Variants in MAGI2 observed in about 807,000 individuals in gnomAD.
MAGI2 encodes membrane associated guanylate kinase, WW and PDZ domain containing 2.
MAGI2 carries 35 observed loss-of-function variants against 133.3 expected under a neutral mutation model. The observed-to-expected ratio is 0.26, with a 90% CI of 0.20 to 0.35. The LOEUF is 0.35. MAGI2 is among the 10% of genes least tolerant of loss of function. The probability of loss-of-function intolerance (pLI) is 1.00; values close to 1 mark genes in which losing one functional copy is unlikely to be tolerated. For missense variants in MAGI2, 1,636 were observed against 1,863.4 expected (o/e 0.88, Z 2.25); for synonymous variants, 729 against 710.6 (o/e 1.03, Z -0.41).
intron 1 of MAGI2, among the ~76,000 whole-genome samples, chr7:79,328,557 A>G (rs1054452848): frequency 6.6e-6 from 1 of 152,234 alleles, no homozygotes; most frequent in Non-Finnish European, 1.5e-5. Flanking sequence ...TTAAAGCAAA[A>G]TAACATCAAA....
intron 1 of MAGI2, among the ~76,000 whole-genome samples, chr7:79,431,790 A>G (rs966550023): frequency 1.1e-4 from 17 of 152,138 alleles, no homozygotes; most frequent in Non-Finnish European, 1.5e-4. Context: ...AGTTTGTGGT[A>G]CCTATCTAGG....
intron 6 of MAGI2, among the ~76,000 whole-genome samples, chr7:78,394,418 C>T (rs544278641): frequency 3.3e-5 from 5 of 152,284 alleles, no homozygotes; most frequent in African/African-American, 7.2e-5. Context: ...GCCATGGTCA[C>T]GTCTTCCCCA....
chr7:79,275,953 C>T (rs1835200641), intron 1 of MAGI2, among the ~76,000 whole-genome samples: 1 of 152,144 alleles, frequency 6.6e-6, no homozygotes, highest in African/African-American at 2.4e-5. Flanking sequence ...ATTACTGCTC[C>T]TTGACAATGC....
intron 2 of MAGI2, among the ~76,000 whole-genome samples, chr7:78,670,488 C>T (rs940602440): frequency 1.3e-5 from 2 of 152,148 alleles, no homozygotes; most frequent in Non-Finnish European, 2.9e-5. Flanking sequence ...TGAAAATGGC[C>T]ATACTGCCCA....
At chr7:79,391,508 C>CATATATATATATATATATATAGACATAT in intron 1 of MAGI2, among the ~76,000 whole-genome samples, 1 of 69,208 alleles carries the variant, frequency 1.4e-5, no homozygotes, top group Admixed American at 1.5e-4. Flanking sequence ...TATATATAGA[C>CATATATATATATATATATATAGACATAT]ATATATATAT....
At chr7:79,087,756 C>A (rs535657893) in intron 1 of MAGI2, among the ~76,000 whole-genome samples, 1 of 152,126 alleles carries the variant, frequency 6.6e-6, no homozygotes, top group South Asian at 2.1e-4. Flanking sequence ...ATAGGGAATC[C>A]TTTCCCCATT....
At chr7:78,305,159 G>A (rs1388159942) in intron 9 of MAGI2, among the ~76,000 whole-genome samples, 8 of 152,170 alleles carry the variant, frequency 5.3e-5, no homozygotes, top group East Asian at 1.9e-4. Context: ...TTCACTATTC[G>A]GAACCCCTTA....
chr7:78,321,692 T>C (rs1584868334), intron 9 of MAGI2, among the ~76,000 whole-genome samples: 1 of 152,126 alleles, frequency 6.6e-6, no homozygotes, highest in East Asian at 1.9e-4. Context: ...GGCAATACCA[T>C]TCAGGACATA....
chr7:78,906,198 G>A (rs1322017719), intron 2 of MAGI2, among the ~76,000 whole-genome samples: 1 of 152,214 alleles, frequency 6.6e-6, no homozygotes, highest in African/African-American at 2.4e-5. Flanking sequence ...GCCCTGAAGT[G>A]TCTCCACTAT....
At chr7:79,433,461 G>A (rs1202992210) in intron 1 of MAGI2, among the ~76,000 whole-genome samples, 1 of 151,978 alleles carries the variant, frequency 6.6e-6, no homozygotes. Context: ...GCTGAGGCAG[G>A]AGAATGGCGT....
chr7:78,303,745 C>G (rs910340434), intron 9 of MAGI2, among the ~76,000 whole-genome samples: 1 of 152,112 alleles, frequency 6.6e-6, no homozygotes, highest in African/African-American at 2.4e-5. Flanking sequence ...GGGGTTTATT[C>G]TAATTAACAC....
At chr7:78,959,837 G>A (rs1263897798) in intron 2 of MAGI2, among the ~76,000 whole-genome samples, 4 of 152,104 alleles carry the variant, frequency 2.6e-5, no homozygotes, top group South Asian at 2.1e-4. Flanking sequence ...CGGCAAACAC[G>A]GATGTGAGCC....
intron 2 of MAGI2, among the ~76,000 whole-genome samples, chr7:78,957,552 TATA>T (rs1388171765): frequency 6.6e-6 from 1 of 152,114 alleles, no homozygotes; most frequent in African/African-American, 2.4e-5. Context: ...AAATGACAGT[TATA>T]ATAAGAGCTT....
chr7:78,778,539 A>G (rs1232255880), intron 2 of MAGI2, among the ~76,000 whole-genome samples: 1 of 152,238 alleles, frequency 6.6e-6, no homozygotes, highest in Non-Finnish European at 1.5e-5. Flanking sequence ...CATCTAAACT[A>G]TGGCCTAAAA....
chr7:78,833,384 T>C (rs1296085721), intron 2 of MAGI2, among the ~76,000 whole-genome samples: 3 of 152,140 alleles, frequency 2.0e-5, no homozygotes, highest in Non-Finnish European at 4.4e-5. Context: ...GTATATCCAG[T>C]GCATTGGAGG....
chr7:78,411,023 C>T (rs1187548290), intron 6 of MAGI2, among the ~76,000 whole-genome samples: 1 of 151,732 alleles, frequency 6.6e-6, no homozygotes, highest in Admixed American at 6.6e-5. Flanking sequence ...ATAAAATATC[C>T]AGAAAAAAAT....
intron 9 of MAGI2, among the ~76,000 whole-genome samples, chr7:78,294,202 T>A (rs1315810511): frequency 1.3e-5 from 2 of 152,128 alleles, no homozygotes; most frequent in Non-Finnish European, 2.9e-5. Flanking sequence ...ACTGTGAACT[T>A]CCAGTGAGGG....
chr7:79,198,407 A>G (rs979575129), intron 1 of MAGI2, among the ~76,000 whole-genome samples: 2 of 151,750 alleles, frequency 1.3e-5, no homozygotes, highest in African/African-American at 4.9e-5. Context: ...CAAACATGAT[A>G]TGACTGAAAA....
chr7:79,020,045 G>T (rs116999429), intron 1 of MAGI2, among the ~76,000 whole-genome samples: 1 of 152,304 alleles, frequency 6.6e-6, no homozygotes, highest in East Asian at 1.9e-4. Flanking sequence ...CTAAAGACTT[G>T]TTGAATGGCT....
Sources: allele counts gnomAD v4.1 joint callset (sites outside exome capture counted in the v4.1 genomes callset), GRCh38; gene constraint gnomAD v4.1.1; transcripts MANE v1.5; gene names NCBI Gene and HGNC (gene_info 2026-07-23, HGNC 2026-07-21).